The following DUSP22 variants were observed in gnomAD, a reference collection of about 807,000 sequenced individuals.
DUSP22 encodes the protein dual specificity phosphatase 22.
A neutral mutation model predicts 24.5 loss-of-function variants in DUSP22; 24 were observed. The ratio of observed to expected loss-of-function variants is 0.98; its 90% confidence interval spans 0.71 to 1.38. The LOEUF is 1.38. Among genes scored for constraint, DUSP22 ranks in the 40% most tolerant of loss-of-function variants. The pLI, the probability that DUSP22 is intolerant of heterozygous loss-of-function variation, is 0.00. For missense variants in DUSP22, 330 were observed against 269.2 expected (o/e 1.23, Z -1.58); for synonymous variants, 160 against 106.4 (o/e 1.50, Z -3.10).
intron 3 of DUSP22, among the ~76,000 whole-genome samples, chr6:316,313 T>A (rs544224460): frequency 9.0e-4 from 137 of 152,364 alleles, no homozygotes; most frequent in Middle Eastern, 3.4e-3. Flanking sequence ...CACATGATGC[T>A]AGTAAAATGG....
intron 1 of DUSP22, among the ~76,000 whole-genome samples, chr6:299,884 A>G (rs190503066): frequency 2.0e-5 from 3 of 152,420 alleles, no homozygotes; most frequent in Admixed American, 2.0e-4. Flanking sequence ...CACAGCTCGT[A>G]TCAGGCTTCA....
chr6:305,135 T>C (rs1233505390), intron 2 of DUSP22, among the ~76,000 whole-genome samples: 1 of 152,310 alleles, frequency 6.6e-6, no homozygotes. Flanking sequence ...TGAGTTCACT[T>C]TTTAAAAGAT....
intron 3 of DUSP22, among the ~76,000 whole-genome samples, chr6:316,421 C>T (rs1373505208): frequency 2.0e-5 from 3 of 152,302 alleles, no homozygotes; most frequent in Non-Finnish European, 2.9e-5. Context: ...TTTCTGTGCT[C>T]AGGACTTTGT....
chr6:314,607 G>C (rs1419666186), intron 3 of DUSP22, among the ~76,000 whole-genome samples: 1 of 152,310 alleles, frequency 6.6e-6, no homozygotes, highest in Non-Finnish European at 1.5e-5. Context: ...TGCAAGTTTA[G>C]AAAACTTAGC....
chr6:309,320 A>G (rs1288427630), intron 2 of DUSP22, among the ~76,000 whole-genome samples: 1 of 152,296 alleles, frequency 6.6e-6, no homozygotes, highest in Non-Finnish European at 1.5e-5. Flanking sequence ...TCCTCGTATA[A>G]AAAGGTTTTT....
intron 3 of DUSP22, among the ~76,000 whole-genome samples, chr6:324,737 G>A (rs1318345630): frequency 2.0e-5 from 3 of 152,304 alleles, no homozygotes; most frequent in Non-Finnish European, 1.5e-5. Flanking sequence ...GTGTTCGGCT[G>A]GAGGGATCAT....
chr6:312,365 C>T (rs1758149947), intron 3 of DUSP22, among the ~76,000 whole-genome samples: 1 of 152,272 alleles, frequency 6.6e-6, no homozygotes, highest in African/African-American at 2.4e-5. Flanking sequence ...CTACCACTGG[C>T]ATTCAGGGGT....
At chr6:347,353 T>C (rs1184937430) in intron 5 of DUSP22, among the ~76,000 whole-genome samples, 3 of 152,312 alleles carry the variant, frequency 2.0e-5, no homozygotes, top group Non-Finnish European at 2.9e-5. Flanking sequence ...CACCTAAAGA[T>C]AGGCTTTTCT....
chr6:313,677 T>C (rs1395295722), intron 3 of DUSP22, among the ~76,000 whole-genome samples: 1 of 152,310 alleles, frequency 6.6e-6, no homozygotes, highest in Non-Finnish European at 1.5e-5. Context: ...TATCTTAGCT[T>C]CATAATAAGT....
chr6:294,116 A>G (rs946622046), intron 1 of DUSP22, among the ~76,000 whole-genome samples: 2 of 152,296 alleles, frequency 1.3e-5, no homozygotes, highest in Non-Finnish European at 2.9e-5. Context: ...ATTTAGGAAT[A>G]CAGATGGTTG....
intron 3 of DUSP22, among the ~76,000 whole-genome samples, chr6:317,332 C>T (rs1484074884): frequency 6.6e-6 from 1 of 152,310 alleles, no homozygotes; most frequent in African/African-American, 2.4e-5. Flanking sequence ...GCTGATCCAC[C>T]CCATTTCTCT....
At chr6:328,898 CG>C (rs1472468010) in intron 3 of DUSP22, among the ~76,000 whole-genome samples, 6 of 152,304 alleles carry the variant, frequency 3.9e-5, no homozygotes, top group Non-Finnish European at 7.3e-5. Context: ...CATAGGCATA[CG>C]TAAGTTTTTC....
intron 2 of DUSP22, among the ~76,000 whole-genome samples, chr6:307,767 G>A (rs545463856): frequency 5.9e-5 from 9 of 152,422 alleles, no homozygotes; most frequent in East Asian, 5.8e-4. Flanking sequence ...CTGTGTGTAC[G>A]TGAGTGGTGT....
Position 350,530 on chromosome 6 carries a change from T to G in DUSP22, c.*1579T>G. On this transcript the variant is annotated 3_prime_UTR_variant, in exon 7 of 7. Transcript: ENST00000419235. Reference sequence around the variant, plus strand: ...GAGGGTGTGTCAAAGGTGAGCTTTTTGGGGACCGGGAAAAACAAAGTTGCC... The same window carrying G: ...GAGGGTGTGTCAAAGGTGAGCTTTTGGGGGACCGGGAAAAACAAAGTTGCC... The G allele has an allele frequency of 4.5e-6, 6 of 1,331,908 alleles. No homozygotes were observed. Among genetic ancestry groups the G allele is most frequent in the Non-Finnish European group, 5.8e-6 (6 of 1,040,614 alleles). 82.5% of individuals were successfully genotyped at this position (1,331,908 alleles called of 1,614,324 possible).
At chr6:343,974 C>T (rs1165387383) in intron 4 of DUSP22, among the ~76,000 whole-genome samples, 1 of 152,302 alleles carries the variant, frequency 6.6e-6, no homozygotes, top group African/African-American at 2.4e-5. Context: ...TTTTATAAGC[C>T]ATTCAAAGGT....
At chr6:312,042 C>A in intron 3 of DUSP22, 80 bp downstream of exon 3, 1 of 1,430,026 alleles carries the variant, frequency 7.0e-7, no homozygotes, top group Non-Finnish European at 9.6e-7. Flanking sequence ...TGAAGGCAAC[C>A]AGGTTCTCTC....
chr6:324,797 C>G (rs1162922818), intron 3 of DUSP22, among the ~76,000 whole-genome samples: 1 of 152,304 alleles, frequency 6.6e-6, no homozygotes, highest in African/African-American at 2.4e-5. Context: ...GTGTCCAAGC[C>G]TGAAGACAAG....
rs151205644 is a variant in DUSP22, at chr6:304,637, G to A, written c.31G>A (p.Gly11Ser). ...TCTGTCTCTCTCCTAGATCCTGCCC[G>A]GCCTGTACATCGGCAACTTCAAAGG... The part of the protein sequence containing the change: MGNGMNKILP[G>S]LYIGNFKDAR... The change falls in exon 2 of 7, where the codon GGC (glycine) becomes AGC (serine). Residue 11 changes from glycine (G) to serine (S), a missense_variant. Physicochemically the swap from Gly to Ser is moderately conservative, Grantham distance 56. Coordinates refer to ENST00000419235, the MANE Select transcript of DUSP22 (RefSeq NM_001286555.3). The A allele has an allele frequency of 3.0e-4, 487 of 1,613,956 alleles. No individual in the cohort carries two copies. The African/African-American group carries it at 5.6e-3, about 18-fold the overall frequency.
At chr6:310,067 TC>T (rs1758003676) in intron 2 of DUSP22, among the ~76,000 whole-genome samples, 1 of 152,300 alleles carries the variant, frequency 6.6e-6, no homozygotes, top group Non-Finnish European at 1.5e-5. Flanking sequence ...TTCAAGCGAT[TC>T]TCCTACCTCA....
Sources: gnomAD v4.1 joint callset for allele counts (sites outside exome capture counted in the v4.1 genomes callset) on GRCh38, gnomAD v4.1.1 for gene constraint, MANE v1.5 for transcripts, NCBI Gene and HGNC (gene_info 2026-07-23, HGNC 2026-07-21) for gene names.